The following SHB variants were observed in gnomAD, a reference collection of about 807,000 sequenced individuals.
SHB encodes SH2 domain-containing adapter protein B.
In SHB, 20 loss-of-function variants were observed where a neutral mutation model predicts 52.3. That is an observed-to-expected ratio of 0.38 (90% confidence interval 0.27 to 0.56). SHB has a LOEUF of 0.56. SHB is among the 20% of genes least tolerant of loss of function. The probability of loss-of-function intolerance (pLI) is 0.71; values close to 1 mark genes in which losing one functional copy is unlikely to be tolerated. For synonymous variants in SHB, 397 were observed against 316.5 expected (o/e 1.25, Z -2.70); for missense variants, 825 against 723.3 (o/e 1.14, Z -1.61).
At chr9:38,066,413 A>G (rs1821960933) in intron 1 of SHB, among the ~76,000 whole-genome samples, 1 of 152,054 alleles carries the variant, frequency 6.6e-6, no homozygotes, top group African/African-American at 2.4e-5. Context: ...AGCTTCAGCC[A>G]TGCATAAGAC....
At chr9:38,008,981 CT>C (rs1378785799) in intron 2 of SHB, among the ~76,000 whole-genome samples, 1 of 152,194 alleles carries the variant, frequency 6.6e-6, no homozygotes, top group Non-Finnish European at 1.5e-5. Flanking sequence ...ACAGAAGGCC[CT>C]TTGCTTTCCC....
chr9:38,021,529 G>A (rs910741633), intron 1 of SHB, among the ~76,000 whole-genome samples: 4 of 149,096 alleles, frequency 2.7e-5, no homozygotes, highest in African/African-American at 5.0e-5. Flanking sequence ...TTAGCTGGGC[G>A]TGGTGGTGCA....
chr9:37,960,846 T>G (rs917876192), intron 3 of SHB, among the ~76,000 whole-genome samples: 5 of 152,096 alleles, frequency 3.3e-5, no homozygotes, highest in Non-Finnish European at 5.9e-5. Context: ...AGAGGAGTAG[T>G]AGGAGGAACT....
intron 1 of SHB, among the ~76,000 whole-genome samples, chr9:38,022,341 C>T (rs559091043): frequency 1.6e-4 from 24 of 152,256 alleles, no homozygotes; most frequent in African/African-American, 4.8e-4. Flanking sequence ...TGCGACGCGT[C>T]GACTGCATCG....
intron 5 of SHB, among the ~76,000 whole-genome samples, chr9:37,925,547 C>T (rs1275671863): frequency 6.6e-6 from 1 of 152,236 alleles, no homozygotes; most frequent in Non-Finnish European, 1.5e-5. Flanking sequence ...GTCCCCTGCC[C>T]AGGCCTAAAT....
chr9:38,005,964 A>C (rs1454755995), intron 2 of SHB, among the ~76,000 whole-genome samples: 1 of 151,990 alleles, frequency 6.6e-6, no homozygotes, highest in Admixed American at 6.6e-5. Flanking sequence ...CTAACACATG[A>C]ATGCATTCAA....
At chr9:38,057,518 C>T (rs1157083249) in intron 1 of SHB, among the ~76,000 whole-genome samples, 1 of 152,188 alleles carries the variant, frequency 6.6e-6, no homozygotes, top group Non-Finnish European at 1.5e-5. Flanking sequence ...AAGCTGGTCC[C>T]TTTCTGAGGA....
chr9:37,992,112 T>C (rs1412649097), intron 2 of SHB, among the ~76,000 whole-genome samples: 1 of 152,302 alleles, frequency 6.6e-6, no homozygotes, highest in African/African-American at 2.4e-5. Context: ...CAATAAAAAC[T>C]TGGTCCAGCC....
rs1832091546 is a variant in SHB, at chr9:37,915,905, G to A, written c.*3916C>T. On this transcript the variant is annotated 3_prime_UTR_variant, in exon 6 of 6. Transcript: ENST00000377707. ...AAAAAAAAAGACAAATGGTAAACAA[G>A]ACACTTGTAGTATATTAAGAGCTTC... is the stretch of plus-strand genomic sequence containing the variant. Among the ~76,000 whole-genome samples the A allele has an allele frequency of 6.6e-6, 1 of 151,932 alleles. No homozygotes were observed. Among genetic ancestry groups the A allele is most frequent in the African/African-American group, 2.4e-5 (1 of 41,358 alleles).
intron 2 of SHB, among the ~76,000 whole-genome samples, chr9:37,995,846 G>C (rs928539851): frequency 2.0e-5 from 3 of 152,064 alleles, no homozygotes; most frequent in Non-Finnish European, 4.4e-5. Context: ...ACTCCCTTAC[G>C]TTTGCCAGAG....
intron 2 of SHB, among the ~76,000 whole-genome samples, chr9:37,987,558 G>A (rs1289368526): frequency 2.0e-5 from 3 of 152,188 alleles, no homozygotes; most frequent in South Asian, 4.1e-4. Context: ...AGCTCTGTCC[G>A]GATCCCACAA....
At chr9:37,924,597 T>A (rs1030399871) in intron 5 of SHB, among the ~76,000 whole-genome samples, 1 of 152,148 alleles carries the variant, frequency 6.6e-6, no homozygotes, top group African/African-American at 2.4e-5. Context: ...GGAGCTGCTG[T>A]CCTGACCCAG....
intron 2 of SHB, among the ~76,000 whole-genome samples, chr9:37,992,427 A>G (rs1000975919): frequency 6.6e-6 from 1 of 152,192 alleles, no homozygotes; most frequent in Non-Finnish European, 1.5e-5. Context: ...AAAAATAAAT[A>G]AAAACCTGGT....
chr9:38,068,606 T>C lies in SHB; in HGVS notation c.40A>G (p.Ser14Gly), dbSNP rs1490171129. 6.7e-7 allele frequency: 1 copy of C among 1,493,178 alleles called. No individual in the cohort carries two copies. Among genetic ancestry groups the C allele is most frequent in the South Asian group, 1.3e-5 (1 of 78,040 alleles). 92.5% of individuals were successfully genotyped at this position (1,493,178 alleles called of 1,614,324 possible). The change falls in exon 1 of 6, where the codon AGC becomes GGC. Residue 14 changes from serine to glycine, a missense_variant. Coordinates refer to ENST00000377707, the MANE Select transcript of SHB (RefSeq NM_003028.3). ...WLNKYFSLGN[S>G]KTKSPPQPPR... ...GGCTGCGGGGGGCTCTTGGTCTTGC[T>C]GTTGCCCAAGCTGAAGTACTTGTTT...
intron 3 of SHB, among the ~76,000 whole-genome samples, chr9:37,968,186 C>G (rs1371408868): frequency 1.3e-5 from 2 of 152,302 alleles, no homozygotes. Context: ...ACCAAAACAC[C>G]AAATGATCCT....
At chr9:37,963,683 C>A (rs1050407029) in intron 3 of SHB, among the ~76,000 whole-genome samples, 1 of 152,070 alleles carries the variant, frequency 6.6e-6, no homozygotes, top group African/African-American at 2.4e-5. Context: ...GGCACTGCTG[C>A]CCAGGTAGTT....
Position 38,016,023 on chromosome 9 carries a change from T to C in SHB, c.826A>G (p.Arg276Gly). 6.2e-7 allele frequency: 1 copy of C among 1,614,194 alleles called. No homozygotes were observed. Among genetic ancestry groups the C allele is most frequent in the African/African-American group, 1.3e-5 (1 of 75,056 alleles). The stretch of plus-strand genomic sequence containing the variant: ...CAGCTCCACTTACCTGTCATGATCC[T>C]CTGTGCCTCATAGGGCTCCATGTAG... The part of the protein sequence containing the change: ...AGYMEPYEAQ[R>G]IMTEFQRQES... Residue 276 changes from arginine (R) to glycine (G), a missense_variant, in exon 2 of 6, where the codon AGG becomes GGG. Arg to Gly is a moderately radical substitution (Grantham distance 125). Transcript: ENST00000377707.
intron 5 of SHB, among the ~76,000 whole-genome samples, chr9:37,947,659 A>G (rs1280026034): frequency 6.6e-6 from 1 of 152,208 alleles, no homozygotes; most frequent in African/African-American, 2.4e-5. Context: ...TGAGCAGAGA[A>G]CACAGGCCAG....
At chr9:38,051,527 T>A (rs530057265) in intron 1 of SHB, among the ~76,000 whole-genome samples, 26 of 152,014 alleles carry the variant, frequency 1.7e-4, no homozygotes, top group African/African-American at 5.8e-4. Context: ...GTTGAGTGTC[T>A]GCACTTTGAC....
Sources: gnomAD v4.1 joint callset for allele counts (sites outside exome capture counted in the v4.1 genomes callset) on GRCh38, gnomAD v4.1.1 for gene constraint, MANE v1.5 for transcripts, NCBI Gene and HGNC (gene_info 2026-07-23, HGNC 2026-07-21) for gene names.